ANK1: variants seen among roughly 807,000 people sequenced by gnomAD.
ANK1 encodes the protein ankyrin-1.
A neutral mutation model predicts 210.4 loss-of-function variants in ANK1; 51 were observed. The ratio of observed to expected loss-of-function variants is 0.24; its 90% CI spans 0.19 to 0.31. The LOEUF (loss-of-function observed/expected upper bound fraction) is 0.31. Ranked by LOEUF, ANK1 falls within the 10% of genes least tolerant of loss-of-function variation. The pLI is 1.00. For missense variants in ANK1, 2,051 were observed against 2,504.4 expected, an observed-to-expected ratio of 0.82 and a Z score of 3.86; for synonymous variants, 967 against 1,025.9, an observed-to-expected ratio of 0.94 and a Z score of 1.10.
At chr8:41,749,655 C>T (rs550572231) in intron 2 of ANK1, among the ~76,000 whole-genome samples, 2 of 150,692 alleles carry the variant, frequency 1.3e-5, no homozygotes, top group East Asian at 3.9e-4. Context: ...CCTTGTTGCC[C>T]AGGCTGGAGT....
chr8:41,668,081 G>A (rs2150555965), intron 39 of ANK1, among the ~76,000 whole-genome samples, 186 bp downstream of exon 39: 1 of 152,342 alleles, frequency 6.6e-6, no homozygotes, highest in South Asian at 2.1e-4. Flanking sequence ...GCCTTAGCAG[G>A]GATCCAGGAG....
chr8:41,864,011 G>A (rs141025827), intron 1 of ANK1, among the ~76,000 whole-genome samples: 6 of 152,272 alleles, frequency 3.9e-5, no homozygotes, highest in Non-Finnish European at 5.9e-5. Context: ...TTGGGAGGCC[G>A]AGGCGGGTGG....
At chr8:41,891,232 C>CT (rs1219521847) in intron 1 of ANK1, among the ~76,000 whole-genome samples, 1 of 151,958 alleles carries the variant, frequency 6.6e-6, no homozygotes, top group Non-Finnish European at 1.5e-5. Context: ...ACACTCGCCA[C>CT]TACGTGCTCA....
At chr8:41,827,214 A>G (rs997181040) in intron 1 of ANK1, among the ~76,000 whole-genome samples, 4 of 152,222 alleles carry the variant, frequency 2.6e-5, no homozygotes. Flanking sequence ...TTCTCAGACA[A>G]GGTTGCTGGG....
intron 42 of ANK1, among the ~76,000 whole-genome samples, chr8:41,660,008 TAA>T (rs1807376643): frequency 6.6e-6 from 1 of 151,994 alleles, no homozygotes; most frequent in Non-Finnish European, 1.5e-5. Context: ...ATAAGAAAAA[TAA>T]GTCAGAAAAG....
intron 1 of ANK1, among the ~76,000 whole-genome samples, chr8:41,780,492 G>C (rs149923015): frequency 6.6e-6 from 1 of 152,196 alleles, no homozygotes; most frequent in African/African-American, 2.4e-5. Flanking sequence ...GGGGTGAGAC[G>C]TCCTCCTCTG....
intron 13 of ANK1, 50 bp from the exon 14 acceptor site, chr8:41,715,899 T>C: frequency 6.2e-7 from 1 of 1,609,866 alleles, no homozygotes; most frequent in Non-Finnish European, 8.5e-7. Flanking sequence ...TGTTACCAAA[T>C]CCAACTTTTC....
chr8:41,889,842 T>C (rs890349465), intron 1 of ANK1, among the ~76,000 whole-genome samples: 44 of 152,364 alleles, frequency 2.9e-4, no homozygotes, highest in African/African-American at 9.9e-4. Flanking sequence ...TCAATAAAGC[T>C]TGCAAGTATC....
At chr8:41,796,125 T>C (rs574095875) in intron 1 of ANK1, among the ~76,000 whole-genome samples, 2 of 152,282 alleles carry the variant, frequency 1.3e-5, no homozygotes, top group Middle Eastern at 3.4e-3. Context: ...CTGGTTACAA[T>C]AAACGTCTTC....
intron 17 of ANK1, 52 bp downstream of exon 17, chr8:41,708,726 C>A: frequency 6.3e-7 from 1 of 1,597,040 alleles, no homozygotes; most frequent in Non-Finnish European, 8.5e-7. Context: ...TATGAAGACA[C>A]CACACGTTGT....
At chr8:41,810,124 T>G (rs1325074317) in intron 1 of ANK1, among the ~76,000 whole-genome samples, 5 of 152,184 alleles carry the variant, frequency 3.3e-5, no homozygotes, top group African/African-American at 7.2e-5. Context: ...TTTAAAACAT[T>G]AAAACATCCT....
chr8:41,694,134 C>T lies in ANK1; in HGVS notation c.3328-32G>A, dbSNP rs369398119. The T allele has an allele frequency of 6.2e-7, 1 of 1,602,910 alleles. No homozygotes were observed. The highest frequency in any genetic ancestry group is 1.7e-5 in the Admixed American group (1 of 58,838). ...AATGACAGAGGCAGGACACTCAGGC[C>T]CAAGCAGGAGAGGGGCTAATCAGAC... On this transcript the variant is annotated intron_variant, in intron 28 of 42. Transcript: ENST00000289734. The surrounding 1 kb of genome is among the most constrained non-coding windows in gnomAD (Gnocchi z 5.7).
intron 1 of ANK1, among the ~76,000 whole-genome samples, chr8:41,891,393 G>A (rs951689048): frequency 1.3e-5 from 2 of 152,096 alleles, no homozygotes; most frequent in African/African-American, 2.4e-5. Flanking sequence ...AGGCCAGCTC[G>A]TGTCCCCTGC....
At chr8:41,759,653 A>G (rs1021325328) in intron 1 of ANK1, among the ~76,000 whole-genome samples, 7 of 152,240 alleles carry the variant, frequency 4.6e-5, no homozygotes, top group Non-Finnish European at 1.0e-4. Context: ...ATATGCAAAC[A>G]CTATATCACT....
chr8:41,769,280 G>A (rs1423342127), intron 1 of ANK1, among the ~76,000 whole-genome samples: 3 of 152,252 alleles, frequency 2.0e-5, no homozygotes, highest in Admixed American at 2.0e-4. Flanking sequence ...CTGTCTGGAT[G>A]TAAGTCACAC....
In ANK1 at chr8:41,871,474, A is replaced by G. The variant is rs116252875; in HGVS notation, c.126+24881T>C. 2.7e-3 allele frequency among the ~76,000 whole-genome samples: 406 copies of G among 152,300 alleles called. 1 individual carries two copies. Among genetic ancestry groups the G allele is most frequent in the African/African-American group, 8.8e-3 (364 of 41,562 alleles). ...AGATGTGAGCCACCACGTCCGGCCT[A>G]TGGTGTCTTTATAAAAAGGGGAAAT... On this transcript the variant is annotated intron_variant, in intron 1 of 42. Transcript: ENST00000265709.
At chr8:41,882,618 C>T (rs763900528) in intron 1 of ANK1, among the ~76,000 whole-genome samples, 2 of 152,158 alleles carry the variant, frequency 1.3e-5, no homozygotes, top group African/African-American at 2.4e-5. Context: ...AACTCAGAAA[C>T]GGAAGAAACT....
At chr8:41,781,441 C>A (rs944921879) in intron 1 of ANK1, among the ~76,000 whole-genome samples, 3 of 152,238 alleles carry the variant, frequency 2.0e-5, no homozygotes, top group African/African-American at 7.2e-5. Context: ...CACAGCTGTG[C>A]ACGGTGCCTG....
intron 1 of ANK1, among the ~76,000 whole-genome samples, chr8:41,890,708 C>CA (rs557921949): frequency 0.14 from 8,490 of 61,570 alleles, 738 homozygotes; most frequent in African/African-American, 0.27. Flanking sequence ...GACTCCGTCT[C>CA]AAAAAAAAAA....
Sources: allele counts gnomAD v4.1 joint callset (sites outside exome capture counted in the v4.1 genomes callset), GRCh38; gene constraint gnomAD v4.1.1; non-coding constraint Gnocchi (gnomAD v3.1); transcripts MANE v1.5; gene names NCBI Gene and HGNC (gene_info 2026-07-23, HGNC 2026-07-21).